CTNNA2: variants seen among roughly 807,000 people sequenced by gnomAD.
CTNNA2 encodes catenin alpha 2.
CTNNA2 carries 42 observed loss-of-function variants against 101.0 expected under a neutral mutation model. The observed-to-expected ratio is 0.42, with a 90% CI of 0.32 to 0.54. The LOEUF (loss-of-function observed/expected upper bound fraction) is 0.54. Ranked by LOEUF, CTNNA2 falls within the 20% of genes least tolerant of loss-of-function variation. The probability of loss-of-function intolerance (pLI) is 0.14; values close to 1 mark genes in which losing one functional copy is unlikely to be tolerated. For missense variants in CTNNA2, 871 were observed against 1,223.1 expected, an observed-to-expected ratio of 0.71 and a Z score of 4.29; for synonymous variants, 450 against 456.4, an observed-to-expected ratio of 0.99 and a Z score of 0.18.
chr2:79,190,644 A>C (rs539307822), intron 1 of CTNNA2, among the ~76,000 whole-genome samples: 9 of 152,286 alleles, frequency 5.9e-5, no homozygotes, highest in African/African-American at 2.2e-4. Context: ...GGAAGCAAAC[A>C]TTCACAGGCC....
intron 12 of CTNNA2, among the ~76,000 whole-genome samples, chr2:80,566,078 G>A (rs1013699588): frequency 6.6e-6 from 1 of 152,036 alleles, no homozygotes; most frequent in African/African-American, 2.4e-5. Context: ...TTTACTTAGG[G>A]CATAGCTATT....
chr2:80,311,376 A>G (rs371637786), intron 7 of CTNNA2, among the ~76,000 whole-genome samples: 1 of 152,184 alleles, frequency 6.6e-6, no homozygotes, highest in Non-Finnish European at 1.5e-5. Context: ...CCATAAATTA[A>G]AACATGTTTT....
At chr2:80,482,094 T>G (rs1452017401) in intron 9 of CTNNA2, among the ~76,000 whole-genome samples, 1 of 151,998 alleles carries the variant, frequency 6.6e-6, no homozygotes, top group East Asian at 1.9e-4. Context: ...TTAATTTAAT[T>G]TAATTTAATT....
chr2:79,647,908 CA>C (rs1223237530), intron 1 of CTNNA2, among the ~76,000 whole-genome samples: 1 of 152,118 alleles, frequency 6.6e-6, no homozygotes, highest in Admixed American at 6.5e-5. Context: ...CGTTTTGGAC[CA>C]GTAGGTTATA....
chr2:80,127,949 TA>T (rs913034569), intron 7 of CTNNA2, among the ~76,000 whole-genome samples: 17 of 152,280 alleles, frequency 1.1e-4, no homozygotes, highest in African/African-American at 3.8e-4. Flanking sequence ...ATTGATTTCC[TA>T]AAATATCAAT....
At chr2:79,609,881 T>C (rs1055476980) in intron 1 of CTNNA2, among the ~76,000 whole-genome samples, 1 of 152,154 alleles carries the variant, frequency 6.6e-6, no homozygotes, top group Non-Finnish European at 1.5e-5. Context: ...TTTGTGACTT[T>C]AGATACACTG....
intron 3 of CTNNA2, among the ~76,000 whole-genome samples, chr2:79,809,661 G>C (rs1676852435): frequency 6.6e-6 from 1 of 152,022 alleles, no homozygotes. Context: ...ATTTGTTTAA[G>C]TTCTTTGTAG....
intron 2 of CTNNA2, among the ~76,000 whole-genome samples, chr2:79,265,274 G>C (rs542940847): frequency 1.1e-4 from 17 of 152,118 alleles, no homozygotes; most frequent in Non-Finnish European, 2.2e-4. Context: ...AGGTGACTCC[G>C]GTGATTAGTG....
chr2:79,206,763 T>C lies in CTNNA2; in HGVS notation c.-406+8687T>C, dbSNP rs142826149. On this transcript the variant is annotated intron_variant, in intron 2 of 21. Coordinates refer to the CTNNA2 transcript ENST00000466387. ...GTGAGTGAGGAAGATATGGTACCAGTCTCTTTTAGCATTCATCTCATAAAA... is the reference window on the plus strand; with the variant it reads ...GTGAGTGAGGAAGATATGGTACCAGCCTCTTTTAGCATTCATCTCATAAAA... Among the ~76,000 whole-genome samples, 45 of 152,226 alleles carry C rather than the reference T, an allele frequency of 3.0e-4. No individual in the cohort carries two copies. The Middle Eastern group carries it at 0.01, about 35-fold the overall frequency.
At chr2:80,512,715 T>G (rs1688805191) in intron 9 of CTNNA2, among the ~76,000 whole-genome samples, 1 of 152,144 alleles carries the variant, frequency 6.6e-6, no homozygotes, top group Non-Finnish European at 1.5e-5. Context: ...CAAGAATCAC[T>G]ACATTTGTTC....
chr2:79,232,714 G>A (rs972749857), intron 2 of CTNNA2, among the ~76,000 whole-genome samples: 12 of 152,118 alleles, frequency 7.9e-5, no homozygotes, highest in Admixed American at 2.6e-4. Context: ...CTCAATTTCC[G>A]AACTTGTTAC....
intron 7 of CTNNA2, among the ~76,000 whole-genome samples, chr2:80,151,665 G>A (rs767531326): frequency 1.1e-4 from 16 of 152,206 alleles, no homozygotes; most frequent in Admixed American, 7.2e-4. Context: ...CCACATAGCC[G>A]TGCCACCAGC....
At chr2:79,476,759 C>A (rs534782933) in intron 4 of CTNNA2, among the ~76,000 whole-genome samples, 2 of 152,230 alleles carry the variant, frequency 1.3e-5, no homozygotes, top group South Asian at 4.2e-4. Context: ...TTTGTCTTAC[C>A]TGTGACAATT....
intron 7 of CTNNA2, among the ~76,000 whole-genome samples, chr2:80,368,783 AAAG>A (rs1156957364): frequency 2.0e-5 from 3 of 150,340 alleles, no homozygotes; most frequent in African/African-American, 7.4e-5. Context: ...GCAAAAAAAA[AAAG>A]AAAAGAAAAG....
chr2:79,628,586 A>G (rs889741898), intron 1 of CTNNA2, among the ~76,000 whole-genome samples: 17 of 152,224 alleles, frequency 1.1e-4, no homozygotes, highest in African/African-American at 4.1e-4. Context: ...TTAAATGTGC[A>G]GTCCTAACTG....
At chr2:79,191,193 T>C (rs893407071) in intron 1 of CTNNA2, among the ~76,000 whole-genome samples, 4 of 152,186 alleles carry the variant, frequency 2.6e-5, no homozygotes, top group Admixed American at 2.6e-4. Context: ...TGTTGCAGAT[T>C]CACAGTTGGT....
chr2:79,967,894 T>C (rs766628322), intron 7 of CTNNA2, among the ~76,000 whole-genome samples: 2 of 152,130 alleles, frequency 1.3e-5, no homozygotes. Context: ...GAATAACCAA[T>C]ATATACTTCA....
intron 9 of CTNNA2, among the ~76,000 whole-genome samples, chr2:80,510,202 T>G (rs1054294426): frequency 2.0e-5 from 3 of 152,176 alleles, no homozygotes; most frequent in African/African-American, 7.2e-5. Flanking sequence ...GCCTAGTCGC[T>G]CATTGATTTT....
intron 1 of CTNNA2, among the ~76,000 whole-genome samples, chr2:79,628,126 GA>G (rs1679439053): frequency 6.6e-6 from 1 of 152,108 alleles, no homozygotes; most frequent in South Asian, 2.1e-4. Flanking sequence ...TCCTATTCCA[GA>G]AACGTGTTTT....
Sources: allele counts gnomAD v4.1 joint callset (sites outside exome capture counted in the v4.1 genomes callset), GRCh38; gene constraint gnomAD v4.1.1; transcripts MANE v1.5; gene names NCBI Gene and HGNC (gene_info 2026-07-23, HGNC 2026-07-21).